The following RPS6KC1 variants were observed in gnomAD, a reference collection of about 807,000 sequenced individuals.
RPS6KC1 encodes the protein ribosomal protein S6 kinase C1.
RPS6KC1 carries 54 observed loss-of-function variants against 103.8 expected under a neutral mutation model. The observed-to-expected ratio is 0.52, with a 90% CI of 0.42 to 0.65. The LOEUF (loss-of-function observed/expected upper bound fraction) is 0.65, where lower values mean the gene tolerates loss of function less well. Ranked by LOEUF, RPS6KC1 falls within the 30% of genes least tolerant of loss-of-function variation. The probability of loss-of-function intolerance (pLI) is 0.00; values close to 1 mark genes in which losing one functional copy is unlikely to be tolerated. For synonymous variants in RPS6KC1, 439 were observed against 438.7 expected (o/e 1.00, Z -0.01); for missense variants, 1,151 against 1,253.8 (o/e 0.92, Z 1.24).
the RPS6KC1 span, among the ~76,000 whole-genome samples, chr1:213,432,028 C>T: frequency 6.6e-6 from 1 of 152,166 alleles, no homozygotes; most frequent in Non-Finnish European, 1.5e-5. Context: ...TTTCAATTCT[C>T]ATTTCCCACG....
At chr1:213,822,001 A>G in the RPS6KC1 span, 3 of 152,310 alleles carry the variant, frequency 2.0e-5, no homozygotes, top group African/African-American at 7.2e-5. Flanking sequence ...CCATCCTCCA[A>G]AATCAAACCA....
At chr1:213,215,157 A>G (rs1407698037) in intron 8 of RPS6KC1, among the ~76,000 whole-genome samples, 1 of 152,224 alleles carries the variant, frequency 6.6e-6, no homozygotes, top group Non-Finnish European at 1.5e-5. Context: ...GGCTAACTGG[A>G]ATAACCAATG....
At chr1:213,855,836 G>A in the RPS6KC1 span, among the ~76,000 whole-genome samples, 1 of 152,222 alleles carries the variant, frequency 6.6e-6, no homozygotes, top group South Asian at 2.1e-4. Flanking sequence ...CTAGGCTCTG[G>A]TTTAAGAGGG....
At chr1:213,799,885 C>CT in the RPS6KC1 span, among the ~76,000 whole-genome samples, 6 of 151,936 alleles carry the variant, frequency 3.9e-5, no homozygotes, top group Admixed American at 6.6e-5. Context: ...AAATGACATT[C>CT]TTTTTTTTCC....
chr1:213,627,970 A>G, the RPS6KC1 span, among the ~76,000 whole-genome samples: 2 of 152,142 alleles, frequency 1.3e-5, no homozygotes, highest in Non-Finnish European at 2.9e-5. Flanking sequence ...CTCTTTTTCT[A>G]CTGATTGGAA....
At chr1:213,757,621 C>G in the RPS6KC1 span, among the ~76,000 whole-genome samples, 1 of 152,196 alleles carries the variant, frequency 6.6e-6, no homozygotes, top group Non-Finnish European at 1.5e-5. Flanking sequence ...GATGTGGAAG[C>G]TGCAGCAAGA....
the RPS6KC1 span, among the ~76,000 whole-genome samples, chr1:213,365,838 A>G: frequency 6.6e-6 from 1 of 152,232 alleles, no homozygotes; most frequent in African/African-American, 2.4e-5. Context: ...TGTCCTAACT[A>G]CTGGACTCTA....
intron 6 of RPS6KC1, among the ~76,000 whole-genome samples, chr1:213,145,166 C>T (rs2087594613): frequency 6.6e-6 from 1 of 152,068 alleles, no homozygotes; most frequent in African/African-American, 2.4e-5. Context: ...CAATGATTTT[C>T]GAGACACTGG....
the RPS6KC1 span, among the ~76,000 whole-genome samples, chr1:213,400,941 A>C: frequency 6.6e-6 from 1 of 151,994 alleles, no homozygotes; most frequent in Admixed American, 6.6e-5. Context: ...TCCTGACCTC[A>C]AGTGATCTAC....
chr1:213,664,852 G>A, the RPS6KC1 span, among the ~76,000 whole-genome samples: 1 of 152,072 alleles, frequency 6.6e-6, no homozygotes, highest in East Asian at 1.9e-4. Flanking sequence ...AGACCTCTAC[G>A]TAGCAATGTT....
chr1:213,724,663 A>G, the RPS6KC1 span, among the ~76,000 whole-genome samples: 1 of 152,118 alleles, frequency 6.6e-6, no homozygotes, highest in South Asian at 2.1e-4. Flanking sequence ...GCTTTGGGAC[A>G]TGAAGGTGGG....
Position 213,191,660 on chromosome 1 carries a change from G to T in RPS6KC1, c.1044+15168G>T, listed in dbSNP as rs148840594. 3.7e-3 allele frequency among the ~76,000 whole-genome samples: 561 copies of T among 152,082 alleles called. 14 individuals carry two copies. The highest frequency in any genetic ancestry group is 0.034 in the Admixed American group (524 of 15,266). ...TCTCTTGTCTGATTGCTCTAGCAAAGACTTCTGGTACTGTATTGAATAACA... is the reference window on the plus strand; with the variant it reads ...TCTCTTGTCTGATTGCTCTAGCAAATACTTCTGGTACTGTATTGAATAACA... On this transcript the variant is annotated intron_variant, in intron 8 of 14. Coordinates refer to ENST00000366960, the MANE Select transcript of RPS6KC1 (RefSeq NM_012424.6).
chr1:213,385,068 T>C, the RPS6KC1 span, among the ~76,000 whole-genome samples: 3 of 152,234 alleles, frequency 2.0e-5, no homozygotes, highest in Non-Finnish European at 1.5e-5. Context: ...CATGATGTTA[T>C]ACTGCTCTGG....
the RPS6KC1 span, among the ~76,000 whole-genome samples, chr1:213,690,347 G>A: frequency 2.0e-5 from 3 of 152,222 alleles, no homozygotes; most frequent in African/African-American, 7.2e-5. Context: ...AGGCAAAGCA[G>A]TAGACTTTTC....
At chr1:213,375,042 TACATACACACGTACAC>T in the RPS6KC1 span, among the ~76,000 whole-genome samples, 4 of 150,618 alleles carry the variant, frequency 2.7e-5, no homozygotes, top group Non-Finnish European at 5.9e-5. Flanking sequence ...CACATACACA[TACATACACACGTACAC>T]ACATACACAC....
At chr1:213,670,155 T>C in the RPS6KC1 span, among the ~76,000 whole-genome samples, 1 of 152,280 alleles carries the variant, frequency 6.6e-6, no homozygotes, top group East Asian at 1.9e-4. Context: ...TGCAAATCCT[T>C]CGAGGAGGTC....
intron 8 of RPS6KC1, among the ~76,000 whole-genome samples, chr1:213,220,912 C>T (rs1362106748): frequency 6.6e-6 from 1 of 152,034 alleles, no homozygotes; most frequent in East Asian, 1.9e-4. Context: ...GTGATCATTA[C>T]CTTAAATATA....
the RPS6KC1 span, among the ~76,000 whole-genome samples, chr1:213,426,418 A>G: frequency 2.0e-5 from 3 of 152,100 alleles, no homozygotes; most frequent in African/African-American, 7.2e-5. Flanking sequence ...GAAGGCTGGT[A>G]GGGCCGATTT....
the RPS6KC1 span, among the ~76,000 whole-genome samples, chr1:213,803,419 G>A: frequency 6.6e-6 from 1 of 151,862 alleles, no homozygotes; most frequent in East Asian, 1.9e-4. Flanking sequence ...GCTAATTTTT[G>A]TATTTTTAGT....
Sources: allele counts gnomAD v4.1 joint callset (sites outside exome capture counted in the v4.1 genomes callset), GRCh38; gene constraint gnomAD v4.1.1; transcripts MANE v1.5; gene names NCBI Gene and HGNC (gene_info 2026-07-23, HGNC 2026-07-21).